Variants in RNASE7 observed in about 807,000 individuals in gnomAD.
The protein encoded by RNASE7 is ribonuclease 7.
For missense variants in RNASE7, 184 were observed against 191.5 expected (o/e 0.96, Z 0.23); for synonymous variants, 80 against 77.5 (o/e 1.03, Z -0.17).
In RNASE7 at chr14:21,042,942, C is replaced by T. The variant is rs1884971875; in HGVS notation, c.-40-11C>T. The T allele has an allele frequency of 6.6e-7, 1 of 1,526,632 alleles. No individual in the cohort carries two copies. The highest frequency in any genetic ancestry group is 2.3e-5 in the East Asian group (1 of 43,862). 94.6% of individuals were successfully genotyped at this position (1,526,632 alleles called of 1,614,324 possible). ...GAGGACTAATTTCTCAACTGAACAC[C>T]TCTGTCCCAGCGACCCCTGCCCTCC... On this transcript the variant is annotated splice_polypyrimidine_tract_variant and intron_variant, in intron 1 of 1. Transcript: ENST00000298690.
intron 1 of RNASE7, 61 bp from the exon 2 acceptor site, chr14:21,042,892 G>T: frequency 1.0e-6 from 1 of 958,774 alleles, no homozygotes; most frequent in South Asian, 1.7e-5. Context: ...GGAGATGGGT[G>T]ACTAGCTCAT....
intron 1 of RNASE7, 26 bp from the exon 2 acceptor site, chr14:21,042,927 T>A: frequency 7.1e-7 from 1 of 1,403,622 alleles, no homozygotes; most frequent in Non-Finnish European, 9.7e-7. Context: ...GAGGACTAAT[T>A]TCTCAACTGA....
In RNASE7 at chr14:21,043,193, C is replaced by G. The variant is rs1215222755; in HGVS notation, c.201C>G (p.Asp67Glu). The G allele has an allele frequency of 1.9e-6, 3 of 1,614,048 alleles. No individual in the cohort carries two copies. The highest frequency in any genetic ancestry group is 2.5e-6 in the Non-Finnish European group (3 of 1,180,034). Residue 67 changes from aspartate to glutamate, a missense_variant, in exon 2 of 2, where the codon GAC (aspartate) becomes GAG (glutamate). By Grantham distance (45) the Asp-to-Glu change is conservative. Transcript: ENST00000298690. ...ACAAGCACACAAAACGGTGCAAAGA[C>G]CTCAACACCTTCCTGCACGAGCCTT... is the stretch of plus-strand genomic sequence containing the variant. ...NINKHTKRCKDLNTFLHEPFS... is the reference protein window; with the variant it reads ...NINKHTKRCKELNTFLHEPFS...
In RNASE7 at chr14:21,044,197, T is replaced by C. The variant is rs1885042209; in HGVS notation, c.*734T>C. On this transcript the variant is annotated 3_prime_UTR_variant, in exon 2 of 2. Transcript: ENST00000298690. Reference sequence around the variant, plus strand: ...GTGCTCTGAAGAGCCAGTTACCCTGTGTTGGCTGCAATAAAGGTCATTACC... The same window carrying C: ...GTGCTCTGAAGAGCCAGTTACCCTGCGTTGGCTGCAATAAAGGTCATTACC... 6.0e-6 allele frequency: 1 copy of C among 167,052 alleles called. No individual in the cohort carries two copies. Among genetic ancestry groups the C allele is most frequent in the African/African-American group, 2.4e-5 (1 of 41,466 alleles). The allele number at this position is 167,052 out of a possible 1,614,324, so 10.3% of individuals were successfully genotyped here.
In RNASE7 at chr14:21,042,431, C is replaced by A. The variant is rs1884939464; in HGVS notation, c.-52C>A. On this transcript the variant is annotated 5_prime_UTR_variant, in exon 1 of 2. Transcript: ENST00000298690. Reference sequence around the variant, plus strand: ...CTGAGCAGGAGTCACAGCACGAAGACCAAGCGCAAAGGTGAGGCTGTGGCA... The same window carrying A: ...CTGAGCAGGAGTCACAGCACGAAGAACAAGCGCAAAGGTGAGGCTGTGGCA... The A allele has an allele frequency of 1.2e-5, 2 of 160,282 alleles. No individual in the cohort carries two copies. Among genetic ancestry groups the A allele is most frequent in the South Asian group, 1.7e-4 (1 of 6,040 alleles). The allele number at this position is 160,282 out of a possible 1,614,324, so 9.9% of individuals were successfully genotyped here. A position where few individuals can be genotyped will look rare whatever the true frequency, so the allele number is the denominator to read the frequency against.
rs948350716 is a variant in RNASE7, at chr14:21,044,102, G to A, written c.*639G>A. On this transcript the variant is annotated 3_prime_UTR_variant, in exon 2 of 2. Transcript: ENST00000298690. ...CAGTGTACCTTCTACTCTACCAGTTGCGCAAGAAAGAAGTCACTGTTACAG... is the reference window on the plus strand; with the variant it reads ...CAGTGTACCTTCTACTCTACCAGTTACGCAAGAAAGAAGTCACTGTTACAG... 8 of 167,232 alleles carry A rather than the reference G, an allele frequency of 4.8e-5. No individual in the cohort carries two copies. The highest frequency in any genetic ancestry group is 1.9e-4 in the African/African-American group (8 of 41,438). 10.4% of individuals were successfully genotyped at this position (167,232 alleles called of 1,614,324 possible).
rs374395689 is a variant in RNASE7, at chr14:21,043,257, G to A, written c.265G>A (p.Ala89Thr). The A allele has an allele frequency of 3.7e-6, 6 of 1,614,048 alleles. No individual in the cohort carries two copies. In the Middle Eastern group the frequency reaches 4.9e-4, roughly 133 times the overall value. Residue 89 changes from alanine to threonine, a missense_variant, in exon 2 of 2, where the codon GCC becomes ACC. By Grantham distance (58) the Ala-to-Thr change is moderately conservative. Coordinates refer to ENST00000298690, the MANE Select transcript of RNASE7 (RefSeq NM_032572.4). ...CGCCACCTGCCAGACCCCCAAAATA[G>A]CCTGCAAGAATGGCGATAAAAACTG... ...VAATCQTPKIACKNGDKNCHQ... is the reference protein window; with the variant it reads ...VAATCQTPKITCKNGDKNCHQ...
chr14:21,043,135 C>T lies in RNASE7; in HGVS notation c.143C>T (p.Pro48Leu). ...WFKIQHMQPS[P>L]QACNSAMKNI... is the part of the protein sequence containing the mutation. ...AAAATTCAGCACATGCAGCCCAGCCCTCAAGCATGCAACTCAGCCATGAAA... is the reference window on the plus strand; with the variant it reads ...AAAATTCAGCACATGCAGCCCAGCCTTCAAGCATGCAACTCAGCCATGAAA... Residue 48 changes from proline to leucine, a missense_variant, in exon 2 of 2, where the codon CCT becomes CTT. By Grantham distance (98) the Pro-to-Leu change is moderately conservative. Transcript: ENST00000298690. 1.2e-6 allele frequency: 2 copies of T among 1,614,178 alleles called. No individual in the cohort carries two copies. The highest frequency in any genetic ancestry group is 1.7e-6 in the Non-Finnish European group (2 of 1,180,046).
Position 21,043,507 on chromosome 14 carries a change from T to C in RNASE7, c.*44T>C. On this transcript the variant is annotated 3_prime_UTR_variant, in exon 2 of 2. Coordinates refer to ENST00000298690, the MANE Select transcript of RNASE7 (RefSeq NM_032572.4). ...TCTTTGGCTGACCTTCAATTCCCTC[T>C]CCAGGACTCCGCACCACTCCCCTAC... is the stretch of plus-strand genomic sequence containing the variant. 7.6e-7 allele frequency: 1 copy of C among 1,310,116 alleles called. No individual in the cohort carries two copies. Among genetic ancestry groups the C allele is most frequent in the Non-Finnish European group, 1.1e-6 (1 of 935,848 alleles). 81.2% of individuals were successfully genotyped at this position (1,310,116 alleles called of 1,614,324 possible). A position where few individuals can be genotyped will look rare whatever the true frequency, so the allele number is the denominator to read the frequency against.
chr14:21,043,372 A>G lies in RNASE7; in HGVS notation c.380A>G (p.Asn127Ser), dbSNP rs1358029867. Residue 127 changes from asparagine to serine, a missense_variant, in exon 2 of 2, where the codon AAC becomes AGC. Coordinates refer to ENST00000298690, the MANE Select transcript of RNASE7 (RefSeq NM_032572.4). The stretch of plus-strand genomic sequence containing the variant: ...TGCAGGTACAAAGAGAAGCGACAGA[A>G]CAAGTCTTACGTAGTGGCCTGTAAG... ...PNCRYKEKRQNKSYVVACKPP... is the reference protein window; with the variant it reads ...PNCRYKEKRQSKSYVVACKPP... The G allele has an allele frequency of 1.2e-6, 2 of 1,614,204 alleles. No individual in the cohort carries two copies. Among genetic ancestry groups the G allele is most frequent in the Admixed American group, 3.3e-5 (2 of 60,026 alleles).
chr14:21,043,336 A>G lies in RNASE7; in HGVS notation c.344A>G (p.Lys115Arg). Reference sequence around the variant, plus strand: ...ACCATGTGTAAGCTCACCTCAGGGAAGCATCCGAACTGCAGGTACAAAGAG... The same window carrying G: ...ACCATGTGTAAGCTCACCTCAGGGAGGCATCCGAACTGCAGGTACAAAGAG... ...SLTMCKLTSG[K>R]HPNCRYKEKR... The change falls in exon 2 of 2, where the codon AAG becomes AGG. Residue 115 changes from lysine to arginine, a missense_variant. Transcript: ENST00000298690. 6.2e-7 allele frequency: 1 copy of G among 1,614,190 alleles called. No homozygotes were observed. The highest frequency in any genetic ancestry group is 8.5e-7 in the Non-Finnish European group (1 of 1,180,034).
intron 1 of RNASE7, among the ~76,000 whole-genome samples, chr14:21,042,745 G>T (rs938487123): frequency 6.6e-6 from 1 of 152,124 alleles, no homozygotes; most frequent in African/African-American, 2.4e-5. Context: ...ACAGGCAACA[G>T]GGACAGAATG....
Position 21,043,100 on chromosome 14 carries a change from A to C in RNASE7, c.108A>C (p.Ser36=), listed in dbSNP as rs1432413859. 3 of 1,614,174 alleles carry C rather than the reference A, an allele frequency of 1.9e-6. No individual in the cohort carries two copies. The highest frequency in any genetic ancestry group is 1.7e-5 in the Admixed American group (1 of 60,028). Residue 36 remains serine, a synonymous_variant, in exon 2 of 2, where the codon TCA becomes TCC. Coordinates refer to ENST00000298690, the MANE Select transcript of RNASE7 (RefSeq NM_032572.4). ...CCAAGCCCAAGGGCATGACCTCATC[A>C]CAGTGGTTTAAAATTCAGCACATGC... The part of the protein sequence containing the change: ...VSAKPKGMTS[S]QWFKIQHMQP...
Position 21,043,173 on chromosome 14 carries a change from C to T in RNASE7, c.181C>T (p.His61Tyr). 1 of 1,614,166 alleles carries T rather than the reference C, an allele frequency of 6.2e-7. No homozygotes were observed. The highest frequency in any genetic ancestry group is 8.5e-7 in the Non-Finnish European group (1 of 1,180,032). Reference protein sequence around the residue: ...CNSAMKNINKHTKRCKDLNTF... With the variant: ...CNSAMKNINKYTKRCKDLNTF... ...CTCAGCCATGAAAAACATTAACAAG[C>T]ACACAAAACGGTGCAAAGACCTCAA... The change falls in exon 2 of 2, where the codon CAC becomes TAC. Residue 61 changes from histidine (H) to tyrosine (Y), a missense_variant. Coordinates refer to ENST00000298690, the MANE Select transcript of RNASE7 (RefSeq NM_032572.4).
At position 21,042,652 on chromosome 14, in the gene RNASE7, C is replaced by T. The variant is rs377541883; in HGVS notation, c.-41+210C>T. 1.5e-3 allele frequency among the ~76,000 whole-genome samples: 225 copies of T among 151,766 alleles called. 3 individuals carry two copies. In the South Asian group the frequency reaches 0.038, roughly 26 times the overall value. ...ATGGGAACACAGACGAGATGGGAAT[C>T]GGGAGAGGATGAGACACAGACACAG... On this transcript the variant is annotated intron_variant, in intron 1 of 1. Transcript: ENST00000298690.
At chr14:21,042,654 G>T (rs1400855984) in intron 1 of RNASE7, among the ~76,000 whole-genome samples, 1 of 152,144 alleles carries the variant, frequency 6.6e-6, no homozygotes, top group Non-Finnish European at 1.5e-5. Context: ...ATGGGAATCG[G>T]GAGAGGATGA....
In RNASE7 at chr14:21,043,107, T is replaced by C; in HGVS notation, c.115T>C (p.Phe39Leu). ...KPKGMTSSQW[F>L]KIQHMQPSPQ... ...CAAGGGCATGACCTCATCACAGTGG[T>C]TTAAAATTCAGCACATGCAGCCCAG... The change falls in exon 2 of 2, where the codon TTT becomes CTT. Residue 39 changes from phenylalanine to leucine, a missense_variant. Physicochemically the swap from Phe to Leu is conservative, Grantham distance 22 (BLOSUM62 0). Coordinates refer to ENST00000298690, the MANE Select transcript of RNASE7 (RefSeq NM_032572.4). 6.2e-7 allele frequency: 1 copy of C among 1,614,072 alleles called. No homozygotes were observed. Among genetic ancestry groups the C allele is most frequent in the Non-Finnish European group, 8.5e-7 (1 of 1,179,994 alleles).
Position 21,043,390 on chromosome 14 carries a change from C to G in RNASE7, c.398C>G (p.Ala133Gly). The change falls in exon 2 of 2, where the codon GCC (alanine) becomes GGC (glycine). Residue 133 changes from alanine to glycine, a missense_variant. Coordinates refer to ENST00000298690, the MANE Select transcript of RNASE7 (RefSeq NM_032572.4). ...EKRQNKSYVV[A>G]CKPPQKKDSQ... ...CGACAGAACAAGTCTTACGTAGTGG[C>G]CTGTAAGCCTCCCCAGAAAAAGGAC... is the stretch of plus-strand genomic sequence containing the variant. 1 of 1,613,746 alleles carries G rather than the reference C, an allele frequency of 6.2e-7. No individual in the cohort carries two copies. The highest frequency in any genetic ancestry group is 1.3e-5 in the African/African-American group (1 of 75,034).
chr14:21,043,285 AC>A lies in RNASE7; in HGVS notation c.295del (p.Gln99ArgfsTer8). The A allele has an allele frequency of 6.2e-7, 1 of 1,614,228 alleles. No homozygotes were observed. Among genetic ancestry groups the A allele is most frequent in the Non-Finnish European group, 8.5e-7 (1 of 1,180,044 alleles). On this transcript the variant is annotated frameshift_variant, in exon 2 of 2. Coordinates refer to ENST00000298690, the MANE Select transcript of RNASE7 (RefSeq NM_032572.4). LOFTEE classifies it low-confidence loss of function (END_TRUNC). ...IACKNGDKNCHQSHGAVSLTM... is the reference protein window; with the variant it reads ...IACKNGDKNCXQSHGAVSLTM... ...TGCAAGAATGGCGATAAAAACTGCC[AC>A]CAGAGCCACGGGGCCGTGTCCCTGA...
Sources: allele counts gnomAD v4.1 joint callset (sites outside exome capture counted in the v4.1 genomes callset), GRCh38; gene constraint gnomAD v4.1.1; transcripts MANE v1.5; gene names NCBI Gene and HGNC (gene_info 2026-07-23, HGNC 2026-07-21).